The following LMF1 variants were observed in gnomAD, a reference collection of about 807,000 sequenced individuals.
LMF1 encodes lipase maturation factor 1.
LMF1 carries 68 observed loss-of-function variants against 60.6 expected under a neutral mutation model. The observed-to-expected ratio is 1.12, with a 90% CI of 0.92 to 1.37. The LOEUF is 1.37. Ranked by LOEUF, LMF1 falls within the 40% of genes most tolerant of loss-of-function variation. The probability of loss-of-function intolerance (pLI) is 0.00; values close to 1 mark genes in which losing one functional copy is unlikely to be tolerated. For synonymous variants in LMF1, 418 were observed against 324.7 expected (o/e 1.29, Z -3.09); for missense variants, 948 against 767.2 (o/e 1.24, Z -2.78).
intron 3 of LMF1, among the ~76,000 whole-genome samples, chr16:923,993 G>C (rs1483479119): frequency 6.6e-6 from 1 of 152,114 alleles, no homozygotes; most frequent in African/African-American, 2.4e-5. Flanking sequence ...AAATAGAAAA[G>C]GCAACTATGA....
intron 3 of LMF1, among the ~76,000 whole-genome samples, chr16:924,534 T>C (rs1183189275): frequency 6.6e-6 from 1 of 152,188 alleles, no homozygotes; most frequent in African/African-American, 2.4e-5. Context: ...GAAGCATTTC[T>C]CCAGGCTGTC....
At chr16:918,415 C>T (rs573190235) in intron 3 of LMF1, among the ~76,000 whole-genome samples, 1 of 152,350 alleles carries the variant, frequency 6.6e-6, no homozygotes, top group African/African-American at 2.4e-5. Flanking sequence ...TGGATAAATA[C>T]GAAAATGCTT....
At chr16:954,062 G>GCCTCCTACACGTCC (rs1567312834) in intron 2 of LMF1, among the ~76,000 whole-genome samples, 2 of 110,842 alleles carry the variant, frequency 1.8e-5, no homozygotes, top group African/African-American at 8.1e-5. Context: ...CACAGACACA[G>GCCTCCTACACGTCC]ACCCACTGCT....
chr16:952,669 G>C (rs1415171064), intron 2 of LMF1: 1 of 153,684 alleles, frequency 6.5e-6, no homozygotes, highest in Non-Finnish European at 1.5e-5. Flanking sequence ...AAAGACACAA[G>C]AGCCATCCTC....
At chr16:872,310 G>T (rs2151703439) in intron 6 of LMF1, 1 of 152,322 alleles carries the variant, frequency 6.6e-6, no homozygotes, top group South Asian at 2.1e-4. Flanking sequence ...AACTCAGGAG[G>T]AAGGTTGAGG....
chr16:879,559 C>T lies in LMF1; in HGVS notation c.897+11G>A, dbSNP rs367938449. On this transcript the variant is annotated intron_variant, in intron 6 of 10. Coordinates refer to ENST00000262301, the MANE Select transcript of LMF1 (RefSeq NM_022773.4). The stretch of plus-strand genomic sequence containing the variant: ...TGTGGACACGGGGCAGGGCGGGCGG[C>T]GCGGGCTCACCTGGAACAGGATCTG... 37 of 1,611,224 alleles carry T rather than the reference C, an allele frequency of 2.3e-5. No individual in the cohort carries two copies. Among genetic ancestry groups the T allele is most frequent in the South Asian group, 4.4e-5 (4 of 90,868 alleles).
At position 854,257 on chromosome 16, in the gene LMF1, C is replaced by T. The variant is rs2069125742; in HGVS notation, c.*275G>A. 3 of 649,322 alleles carry T rather than the reference C, an allele frequency of 4.6e-6. No homozygotes were observed. The East Asian group carries it at 9.1e-5, about 20-fold the overall frequency. The allele number at this position is 649,322 out of a possible 1,614,324, so 40.2% of individuals were successfully genotyped here. On this transcript the variant is annotated 3_prime_UTR_variant, in exon 11 of 11. Transcript: ENST00000262301. ...TGGGCGGCACAGCCCCAGGCTGGGC[C>T]TCTGGGAGGAGGGTGGGATGGATGG...
chr16:970,987 G>A (rs1311757100), upstream of LMF1: 1 of 1,486,162 alleles, frequency 6.7e-7, no homozygotes, highest in Non-Finnish European at 9.0e-7. Flanking sequence ...GCATGTGCGG[G>A]GAGGGCGCAC....
At chr16:870,920 G>GCTGCCC in intron 7 of LMF1, 38 bp from the exon 8 acceptor site, 1 of 1,564,008 alleles carries the variant, frequency 6.4e-7, no homozygotes. Flanking sequence ...GGGGCTCCCA[G>GCTGCCC]CTGCCCCGTG....
chr16:870,402 C>T (rs141439829), intron 8 of LMF1, among the ~76,000 whole-genome samples: 1,734 of 152,334 alleles, frequency 0.011, 14 homozygotes, highest in Non-Finnish European at 0.016. Context: ...TGCCTGTGTT[C>T]AGGTGGCACT....
chr16:871,481 A>G (rs2069792251), intron 6 of LMF1, 140 bp from the exon 7 acceptor site: 2 of 828,680 alleles, frequency 2.4e-6, no homozygotes, highest in Non-Finnish European at 3.8e-6. Context: ...GCCCAGCATC[A>G]CAACTGAAAC....
chr16:937,292 G>A (rs924078525), intron 2 of LMF1, among the ~76,000 whole-genome samples: 6 of 152,172 alleles, frequency 3.9e-5, no homozygotes, highest in Non-Finnish European at 5.9e-5. Flanking sequence ...AGAAGATACC[G>A]ACTCCGTGGA....
intron 10 of LMF1, 73 bp from the exon 11 acceptor site, chr16:854,779 C>T (rs1051225849): frequency 1.5e-6 from 2 of 1,358,060 alleles, no homozygotes; most frequent in Non-Finnish European, 2.0e-6. Context: ...CAGCCTGCTG[C>T]TGAGCTGCAG....
intron 4 of LMF1, 133 bp from the exon 5 acceptor site, chr16:893,205 G>A: frequency 1.3e-6 from 1 of 761,576 alleles, no homozygotes; most frequent in Non-Finnish European, 2.3e-6. Context: ...TGTGAGGGAG[G>A]GGACCTTACG....
chr16:971,255 G>A (rs2073047156), upstream of LMF1, among the ~76,000 whole-genome samples: 1 of 152,224 alleles, frequency 6.6e-6, no homozygotes, highest in African/African-American at 2.4e-5. Flanking sequence ...GGTGCGCGTC[G>A]CCCGACCCGA....
chr16:978,934 G>A (rs1261236578), intron 1 of LMF1: 3 of 452,108 alleles, frequency 6.6e-6, no homozygotes, highest in Non-Finnish European at 1.3e-5. Context: ...GAGATCAGAA[G>A]CTTCAGGGCT....
Position 893,055 on chromosome 16 carries a change from C to G in LMF1, c.681G>C (p.Arg227=), listed in dbSNP as rs1490036000. The change falls in exon 5 of 11, where the codon CGG becomes CGC. Residue 227 remains arginine, a synonymous_variant. Transcript: ENST00000262301. ...TGAGGTCTCGCCAGCACCGGTCCCCCCGGATCTTGATCAGGCCCTGCAAGG... is the reference window on the plus strand; with the variant it reads ...TGAGGTCTCGCCAGCACCGGTCCCCGCGGATCTTGATCAGGCCCTGCAAGG... The part of the protein sequence containing the change: ...IMLGAGLIKI[R]GDRCWRDLTC... 2 of 1,554,034 alleles carry G rather than the reference C, an allele frequency of 1.3e-6. No individual in the cohort carries two copies. The highest frequency in any genetic ancestry group is 1.9e-5 in the Admixed American group (1 of 51,426).
chr16:943,500 C>A (rs945769116), intron 2 of LMF1, among the ~76,000 whole-genome samples: 8 of 151,352 alleles, frequency 5.3e-5, no homozygotes, highest in Non-Finnish European at 1.0e-4. Context: ...CCGAGGCGGG[C>A]GGATCACCTG....
intron 3 of LMF1, among the ~76,000 whole-genome samples, chr16:925,994 T>C (rs11859535): frequency 6.6e-6 from 1 of 150,436 alleles, no homozygotes; most frequent in African/African-American, 2.5e-5. Context: ...TACGTGTCTG[T>C]ATGCATGCAT....
Sources: allele counts gnomAD v4.1 joint callset (sites outside exome capture counted in the v4.1 genomes callset), GRCh38; gene constraint gnomAD v4.1.1; transcripts MANE v1.5; gene names NCBI Gene and HGNC (gene_info 2026-07-23, HGNC 2026-07-21).